SLCO1C1: variants seen among roughly 807,000 people sequenced by gnomAD.
SLCO1C1 encodes OAT-RP-5.
SLCO1C1 carries 70 observed loss-of-function variants against 76.4 expected under a neutral mutation model. The observed-to-expected ratio is 0.92, with a 90% CI of 0.76 to 1.12. The LOEUF (loss-of-function observed/expected upper bound fraction) is 1.12, where lower values mean the gene tolerates loss of function less well. SLCO1C1 is among the 50% of genes most tolerant of loss of function. The pLI, the probability that SLCO1C1 is intolerant of heterozygous loss-of-function variation, is 0.00. For synonymous variants in SLCO1C1, 306 were observed against 286.1 expected (o/e 1.07, Z -0.70); for missense variants, 912 against 823.8 (o/e 1.11, Z -1.31).
At chr12:20,733,678 G>GA (rs1948401883) in intron 10 of SLCO1C1, among the ~76,000 whole-genome samples, 1 of 152,130 alleles carries the variant, frequency 6.6e-6, no homozygotes, top group Admixed American at 6.6e-5. Context: ...AAAGTTTCAG[G>GA]AAACAACGCC....
At chr12:20,741,884 A>G (rs1948833210) in intron 12 of SLCO1C1, among the ~76,000 whole-genome samples, 1 of 152,206 alleles carries the variant, frequency 6.6e-6, no homozygotes, top group Admixed American at 6.5e-5. Flanking sequence ...TATTTATGAG[A>G]TGGACTGGGT....
At chr12:20,722,104 A>G in intron 8 of SLCO1C1, 55 bp downstream of exon 8, 1 of 1,550,224 alleles carries the variant, frequency 6.5e-7, no homozygotes, top group Non-Finnish European at 8.7e-7. Flanking sequence ...GGGCTTAAGG[A>G]GATTTATAAA....
chr12:20,725,148 TTAA>T (rs1437797602), intron 9 of SLCO1C1, among the ~76,000 whole-genome samples: 14 of 134,030 alleles, frequency 1.0e-4, no homozygotes, highest in African/African-American at 2.8e-4. Context: ...ACTTTTTATA[TTAA>T]TAATTTTTAT....
intron 6 of SLCO1C1, among the ~76,000 whole-genome samples, chr12:20,715,927 T>A (rs978924796): frequency 6.6e-6 from 1 of 152,172 alleles, no homozygotes; most frequent in Non-Finnish European, 1.5e-5. Flanking sequence ...AAACAGCATT[T>A]ATTGGTTTCC....
intron 12 of SLCO1C1, among the ~76,000 whole-genome samples, chr12:20,742,336 T>G (rs1214772622): frequency 7.9e-5 from 12 of 151,294 alleles, no homozygotes; most frequent in Admixed American, 3.3e-4. Flanking sequence ...AAGTCATGTT[T>G]TTTTTTTTTT....
At chr12:20,750,317 T>C (rs773256771) in intron 13 of SLCO1C1, among the ~76,000 whole-genome samples, 14 of 152,180 alleles carry the variant, frequency 9.2e-5, no homozygotes, top group Non-Finnish European at 1.6e-4. Context: ...AGATTAAATA[T>C]AGTGATAGCC....
At chr12:20,725,241 AAAT>A (rs1222086103) in intron 9 of SLCO1C1, among the ~76,000 whole-genome samples, 2 of 139,898 alleles carry the variant, frequency 1.4e-5, no homozygotes, top group African/African-American at 5.2e-5. Flanking sequence ...GAAAAAATAC[AAAT>A]AAAAATATGT....
chr12:20,736,345 G>T (rs1447484562), intron 10 of SLCO1C1, among the ~76,000 whole-genome samples: 2 of 149,574 alleles, frequency 1.3e-5, no homozygotes, highest in African/African-American at 2.4e-5. Context: ...TTGGGGGGGG[G>T]TGCAAATTTT....
At position 20,699,539 on chromosome 12, in the gene SLCO1C1, C is replaced by A; in HGVS notation, c.-25-13C>A. 1 of 1,533,784 alleles carries A rather than the reference C, an allele frequency of 6.5e-7. No individual in the cohort carries two copies. The highest frequency in any genetic ancestry group is 8.7e-7 in the Non-Finnish European group (1 of 1,146,674). ...TATTTATTTATTTTTACTTTAAAAA[C>A]TAACTTTGACAGATCAGAGTCAAGG... is the stretch of plus-strand genomic sequence containing the variant. On this transcript the variant is annotated splice_polypyrimidine_tract_variant and intron_variant, in intron 1 of 14. Coordinates refer to ENST00000266509, the MANE Select transcript of SLCO1C1 (RefSeq NM_017435.5).
At chr12:20,727,821 T>C (rs1416229737) in intron 9 of SLCO1C1, among the ~76,000 whole-genome samples, 1 of 152,212 alleles carries the variant, frequency 6.6e-6, no homozygotes, top group Non-Finnish European at 1.5e-5. Context: ...GTGTTTTCTT[T>C]TGTGAAGTGT....
chr12:20,706,142 T>C, intron 4 of SLCO1C1, 61 bp downstream of exon 4: 1 of 1,528,282 alleles, frequency 6.5e-7, no homozygotes, highest in Non-Finnish European at 8.8e-7. Flanking sequence ...CTCCCTTTTA[T>C]GATGATTATT....
intron 12 of SLCO1C1, among the ~76,000 whole-genome samples, chr12:20,742,126 A>G (rs915052143): frequency 1.3e-5 from 2 of 152,206 alleles, no homozygotes; most frequent in Non-Finnish European, 2.9e-5. Flanking sequence ...ACATTTACAA[A>G]TGGCAGCCTG....
At chr12:20,699,244 C>T (rs1434281850) in intron 1 of SLCO1C1, among the ~76,000 whole-genome samples, 1 of 151,992 alleles carries the variant, frequency 6.6e-6, no homozygotes, top group South Asian at 2.1e-4. Context: ...ACTGGCAAGA[C>T]CACAAAGTTA....
In SLCO1C1 at chr12:20,752,653, G is replaced by A. The variant is rs953193682; in HGVS notation, c.*125G>A. ...TTCAAAAAATGTCTACTTTGTTTTGGTCCTAGGCATTAGGTAATATAACTG... is the reference window on the plus strand; with the variant it reads ...TTCAAAAAATGTCTACTTTGTTTTGATCCTAGGCATTAGGTAATATAACTG... On this transcript the variant is annotated 3_prime_UTR_variant, in exon 15 of 15. Transcript: ENST00000266509. 3 of 750,818 alleles carry A rather than the reference G, an allele frequency of 4.0e-6. No homozygotes were observed. In the African/African-American group the frequency reaches 5.3e-5, roughly 13 times the overall value. The allele number at this position is 750,818 out of a possible 1,614,324, so 46.5% of individuals were successfully genotyped here. A position where few individuals can be genotyped will look rare whatever the true frequency, so the allele number is the denominator to read the frequency against.
intron 12 of SLCO1C1, among the ~76,000 whole-genome samples, chr12:20,742,364 G>T (rs897296832): frequency 6.6e-6 from 1 of 150,680 alleles, no homozygotes; most frequent in Non-Finnish European, 1.5e-5. Flanking sequence ...TTAAAGCAGA[G>T]ACTAAATGAT....
chr12:20,714,003 T>A (rs1947255177), intron 5 of SLCO1C1, among the ~76,000 whole-genome samples: 1 of 152,190 alleles, frequency 6.6e-6, no homozygotes. Context: ...CATATCATAT[T>A]TTTGGAAGCA....
chr12:20,724,001 A>G (rs1313177430), intron 9 of SLCO1C1, among the ~76,000 whole-genome samples: 1 of 152,116 alleles, frequency 6.6e-6, no homozygotes, highest in African/African-American at 2.4e-5. Context: ...AAAACAGCCA[A>G]ATGTATTTTA....
At chr12:20,706,926 A>G (rs534423054) in intron 4 of SLCO1C1, among the ~76,000 whole-genome samples, 1 of 152,318 alleles carries the variant, frequency 6.6e-6, no homozygotes, top group East Asian at 1.9e-4. Flanking sequence ...ATTATATTTC[A>G]AGTGATACTT....
At chr12:20,713,385 T>G (rs1218878115) in intron 5 of SLCO1C1, among the ~76,000 whole-genome samples, 1 of 152,196 alleles carries the variant, frequency 6.6e-6, no homozygotes, top group Non-Finnish European at 1.5e-5. Context: ...GGCCAGATGT[T>G]TTCTTTTGAC....
Sources: allele counts gnomAD v4.1 joint callset (sites outside exome capture counted in the v4.1 genomes callset), GRCh38; gene constraint gnomAD v4.1.1; transcripts MANE v1.5; gene names NCBI Gene and HGNC (gene_info 2026-07-23, HGNC 2026-07-21).